HS2ST1: variants seen among roughly 807,000 people sequenced by gnomAD.
HS2ST1 encodes the protein heparan sulfate 2-O-sulfotransferase 1, also known as 2-O-sulfotransferase.
In HS2ST1, 18 loss-of-function variants were observed where a neutral mutation model predicts 42.9. The ratio of observed to expected loss-of-function variants is 0.42; its 90% CI spans 0.29 to 0.62. HS2ST1 has a LOEUF of 0.62. HS2ST1 is among the 20% of genes least tolerant of loss of function. The pLI is 0.21. For synonymous variants in HS2ST1, 146 were observed against 152.9 expected, an observed-to-expected ratio of 0.95 and a Z score of 0.33; for missense variants, 334 against 433.8, an observed-to-expected ratio of 0.77 and a Z score of 2.04.
chr1:87,008,237 T>C (rs1249901777), intron 1 of HS2ST1, among the ~76,000 whole-genome samples: 1 of 152,166 alleles, frequency 6.6e-6, no homozygotes, highest in Non-Finnish European at 1.5e-5. Context: ...AATCAATATG[T>C]AGAGTGACTT....
chr1:86,963,894 G>A (rs1257048654), intron 1 of HS2ST1, among the ~76,000 whole-genome samples: 3 of 150,118 alleles, frequency 2.0e-5, no homozygotes, highest in African/African-American at 4.9e-5. Flanking sequence ...CTGGCCTGGC[G>A]GGGGCTGCCC....
intron 5 of HS2ST1, among the ~76,000 whole-genome samples, chr1:87,100,317 C>A (rs554375550): frequency 1.3e-5 from 2 of 152,336 alleles, no homozygotes; most frequent in South Asian, 4.1e-4. Flanking sequence ...TATGCTCCCC[C>A]AGAGTGGTGG....
intron 1 of HS2ST1, among the ~76,000 whole-genome samples, chr1:86,964,057 C>T (rs1309734064): frequency 2.6e-5 from 4 of 151,474 alleles, no homozygotes; most frequent in Admixed American, 1.3e-4. Flanking sequence ...CGGGCAGAGG[C>T]GCTCCTCACA....
intron 5 of HS2ST1, among the ~76,000 whole-genome samples, chr1:87,100,719 A>C (rs570748682): frequency 6.6e-6 from 1 of 152,284 alleles, no homozygotes; most frequent in African/African-American, 2.4e-5. Context: ...GGATCACTTG[A>C]GCCCAGAAAT....
intron 3 of HS2ST1, among the ~76,000 whole-genome samples, chr1:87,086,767 C>T (rs1651826705): frequency 6.6e-6 from 1 of 151,984 alleles, no homozygotes; most frequent in African/African-American, 2.4e-5. Context: ...ATTCCTATCC[C>T]ATCTTGCTCC....
chr1:86,987,987 A>G (rs533773546), intron 1 of HS2ST1, among the ~76,000 whole-genome samples: 1 of 152,312 alleles, frequency 6.6e-6, no homozygotes, highest in Non-Finnish European at 1.5e-5. Flanking sequence ...TATGTCCAGG[A>G]TGAGAGAGAC....
intron 1 of HS2ST1, among the ~76,000 whole-genome samples, chr1:86,928,046 T>G (rs911232040): frequency 8.5e-5 from 13 of 152,068 alleles, no homozygotes; most frequent in Non-Finnish European, 1.8e-4. Context: ...ACTTAAAAAT[T>G]GAAATCTTTA....
chr1:87,090,843 G>T (rs1017796300), intron 3 of HS2ST1, among the ~76,000 whole-genome samples: 20 of 151,876 alleles, frequency 1.3e-4, no homozygotes, highest in Admixed American at 6.6e-4. Flanking sequence ...AAAACACCTG[G>T]CACTTAGCTG....
chr1:87,073,229 T>C (rs1204477581), intron 2 of HS2ST1, 57 bp downstream of exon 2: 1 of 1,222,532 alleles, frequency 8.2e-7, no homozygotes, highest in East Asian at 2.3e-5. Flanking sequence ...ACTCAAATTT[T>C]CTAGCTCAAG....
chr1:86,981,215 GTGGGGAT>G (rs1435040692), intron 1 of HS2ST1, among the ~76,000 whole-genome samples: 1 of 152,140 alleles, frequency 6.6e-6, no homozygotes, highest in East Asian at 1.9e-4. Context: ...CCCTCAACAT[GTGGGGAT>G]TACAGGTCCC....
intron 1 of HS2ST1, among the ~76,000 whole-genome samples, chr1:86,999,092 GAAAGAT>G (rs1649195422): frequency 6.6e-6 from 1 of 152,122 alleles, no homozygotes; most frequent in African/African-American, 2.4e-5. Context: ...ACCACAGCAT[GAAAGAT>G]CAAGGTATTT....
intron 1 of HS2ST1, among the ~76,000 whole-genome samples, chr1:87,064,820 T>C (rs1651206123): frequency 6.6e-6 from 1 of 151,930 alleles, no homozygotes; most frequent in East Asian, 1.9e-4. Context: ...ACCACCACAC[T>C]CAGCTAATTT....
At chr1:87,031,252 T>A (rs911569586) in intron 1 of HS2ST1, among the ~76,000 whole-genome samples, 3 of 152,154 alleles carry the variant, frequency 2.0e-5, no homozygotes, top group Non-Finnish European at 2.9e-5. Context: ...AGTCTCAGTG[T>A]TCTTATCTCC....
chr1:86,958,872 A>G (rs1647746456), intron 1 of HS2ST1, among the ~76,000 whole-genome samples: 1 of 152,262 alleles, frequency 6.6e-6, no homozygotes. Flanking sequence ...AAAAATGTAT[A>G]AAAAGAATTA....
intron 1 of HS2ST1, among the ~76,000 whole-genome samples, chr1:86,948,735 T>A (rs1647414794): frequency 6.6e-6 from 1 of 152,236 alleles, no homozygotes; most frequent in Non-Finnish European, 1.5e-5. Context: ...TAACTATTGG[T>A]TCCCTCTAAC....
intron 1 of HS2ST1, among the ~76,000 whole-genome samples, chr1:86,960,297 G>A (rs1370501331): frequency 6.7e-6 from 1 of 148,634 alleles, no homozygotes; most frequent in Non-Finnish European, 1.5e-5. Flanking sequence ...AGAGTGAATT[G>A]TAGCCTTTAA....
intron 1 of HS2ST1, among the ~76,000 whole-genome samples, chr1:87,018,132 C>CCACACACA (rs56401098): frequency 2.5e-3 from 366 of 149,348 alleles, no homozygotes; most frequent in African/African-American, 8.8e-3. Flanking sequence ...TAAATAAAAG[C>CCACACACA]CACACACACA....
intron 1 of HS2ST1, among the ~76,000 whole-genome samples, chr1:86,940,854 T>C (rs1660745767): frequency 6.6e-6 from 1 of 151,996 alleles, no homozygotes; most frequent in African/African-American, 2.4e-5. Context: ...ATTTACCATG[T>C]GTGGTGGCAT....
chr1:86,993,867 G>A (rs1649025169), intron 1 of HS2ST1, among the ~76,000 whole-genome samples: 1 of 152,060 alleles, frequency 6.6e-6, no homozygotes, highest in Non-Finnish European at 1.5e-5. Context: ...CAAAAGGTGG[G>A]GTAATATGGG....
Sources: gnomAD v4.1 joint callset for allele counts (sites outside exome capture counted in the v4.1 genomes callset) on GRCh38, gnomAD v4.1.1 for gene constraint, MANE v1.5 for transcripts, NCBI Gene and HGNC (gene_info 2026-07-23, HGNC 2026-07-21) for gene names.